Variants in BSN observed in about 807,000 individuals in gnomAD.
BSN encodes bassoon presynaptic cytomatrix protein, also known as protein bassoon.
In BSN, 57 loss-of-function variants were observed where a neutral mutation model predicts 264.8. That is an observed-to-expected ratio of 0.22 (90% CI 0.17 to 0.27). BSN has a LOEUF of 0.27. Among genes scored for constraint, BSN ranks in the 10% least tolerant of loss-of-function variants. BSN has a pLI of 1.00. For missense variants in BSN, 4,615 were observed against 5,232.5 expected, an observed-to-expected ratio of 0.88 and a Z score of 3.64; for synonymous variants, 2,059 against 2,137.3, an observed-to-expected ratio of 0.96 and a Z score of 1.01.
intron 1 of BSN, among the ~76,000 whole-genome samples, chr3:49,587,928 T>TTTTC (rs754414964): frequency 7.6e-4 from 109 of 144,206 alleles, no homozygotes; most frequent in African/African-American, 2.8e-3. Context: ...TTTTCTTTTC[T>TTTTC]TTTTTTTTTT....
Position 49,642,701 on chromosome 3 carries a change from C to T in BSN, c.1067C>T (p.Ser356Leu). 6.2e-7 allele frequency: 1 copy of T among 1,613,268 alleles called. No individual in the cohort carries two copies. The highest frequency in any genetic ancestry group is 8.5e-7 in the Non-Finnish European group (1 of 1,179,832). ...LTGKLFGLGA[S>L]LLTQASTLMS... is the part of the protein sequence containing the mutation. ...GGTAAGCTCTTCGGCCTTGGCGCGT[C>T]ACTGCTAACCCAGGCGAGCACCCTC... Residue 356 changes from serine to leucine, a missense_variant, in exon 3 of 12, where the codon TCA becomes TTA. Coordinates refer to ENST00000296452, the MANE Select transcript of BSN (RefSeq NM_003458.4). This position sits in a 1 kb window ranked among gnomAD's most constrained non-coding sequence, Gnocchi z 7.0.
intron 2 of BSN, among the ~76,000 whole-genome samples, chr3:49,633,433 G>A (rs1282130478): frequency 6.6e-6 from 1 of 152,112 alleles, no homozygotes; most frequent in Non-Finnish European, 1.5e-5. Context: ...ATAAATAAAT[G>A]TTGGCAAGAA....
chr3:49,621,819 G>T (rs965818122), intron 1 of BSN, among the ~76,000 whole-genome samples: 4 of 152,142 alleles, frequency 2.6e-5, no homozygotes, highest in Non-Finnish European at 5.9e-5. Flanking sequence ...CTGGGCTCAA[G>T]AGATCCTCCT....
intron 1 of BSN, among the ~76,000 whole-genome samples, chr3:49,606,448 T>C (rs1342503066): frequency 6.7e-6 from 1 of 149,636 alleles, no homozygotes; most frequent in Non-Finnish European, 1.5e-5. Flanking sequence ...TATCATACTC[T>C]GAATGAATTG....
chr3:49,602,537 C>T (rs2052080477), intron 1 of BSN, among the ~76,000 whole-genome samples: 1 of 151,852 alleles, frequency 6.6e-6, no homozygotes, highest in African/African-American at 2.4e-5. Flanking sequence ...CCTCCGCCTC[C>T]TGGGTTCAAG....
Position 49,668,901 on chromosome 3 carries a change from T to C in BSN, c.*1416T>C, listed in dbSNP as rs1411655094. The C allele has an allele frequency of 1.3e-5, 2 of 152,752 alleles. No individual in the cohort carries two copies. Among genetic ancestry groups the C allele is most frequent in the South Asian group, 2.1e-4 (1 of 4,832 alleles). 9.5% of individuals were successfully genotyped at this position (152,752 alleles called of 1,614,324 possible). On this transcript the variant is annotated 3_prime_UTR_variant, in exon 12 of 12. Coordinates refer to ENST00000296452, the MANE Select transcript of BSN (RefSeq NM_003458.4). ...TTAATATTTAATAAATTCCATGTTATGTATAAGGAGTTAATTGCAAACATG... is the reference window on the plus strand; with the variant it reads ...TTAATATTTAATAAATTCCATGTTACGTATAAGGAGTTAATTGCAAACATG...
Position 49,657,317 on chromosome 3 carries a change from A to G in BSN, c.7761A>G (p.Thr2587=), listed in dbSNP as rs775493044. ...GGATTGCCGACAGCAGCGTGCAGAC[A>G]GACGATGAGGATGGGGAGAGCCGCT... ...VRRIADSSVQ[T]DDEDGESRYL... The change falls in exon 5 of 12, where the codon ACA becomes ACG. Residue 2587 remains threonine, a synonymous_variant. Transcript: ENST00000296452. 1.9e-6 allele frequency: 3 copies of G among 1,613,464 alleles called. No homozygotes were observed. Among genetic ancestry groups the G allele is most frequent in the East Asian group, 4.5e-5 (2 of 44,878 alleles).
At chr3:49,557,182 G>A (rs542747541) in intron 1 of BSN, among the ~76,000 whole-genome samples, 1 of 152,274 alleles carries the variant, frequency 6.6e-6, no homozygotes, top group East Asian at 1.9e-4. Context: ...GTCCCTCAAG[G>A]AAGGGCTCTC....
chr3:49,657,856 A>G lies in BSN; in HGVS notation c.8300A>G (p.Glu2767Gly), dbSNP rs750371248. The G allele has an allele frequency of 6.8e-6, 11 of 1,612,754 alleles. No individual in the cohort carries two copies. The East Asian group carries it at 2.5e-4, about 36-fold the overall frequency. ...GAAAAAAAGAAGCCAGATCCCCTGGAGATTGGGTACCAGGCCCACCTGCCT... is the reference window on the plus strand; with the variant it reads ...GAAAAAAAGAAGCCAGATCCCCTGGGGATTGGGTACCAGGCCCACCTGCCT... ...RFEKKKPDPL[E>G]IGYQAHLPPE... is the part of the protein sequence containing the mutation. Residue 2767 changes from glutamate to glycine, a missense_variant, in exon 5 of 12, where the codon GAG becomes GGG. Around this residue, in one of 3 missense-constraint regions of BSN, gnomAD observed 3,415 missense variants for 3,866.4 expected, o/e 0.88. Transcript: ENST00000296452.
chr3:49,663,807 T>C lies in BSN; in HGVS notation c.11529T>C (p.Asn3843=). ...PAGPPRAEQT[N]GSKGTAKAPQ... ...TGCAGCCACGGGCAGAACAGACAAA[T>C]GGCTCTAAAGGGACAGCCAAAGCAC... The change falls in exon 8 of 12, where the codon AAT becomes AAC. Residue 3843 remains asparagine, a synonymous_variant. Coordinates refer to ENST00000296452, the MANE Select transcript of BSN (RefSeq NM_003458.4). 1 of 1,614,058 alleles carries C rather than the reference T, an allele frequency of 6.2e-7. No homozygotes were observed.
At chr3:49,666,809 G>A (rs1449906532) in intron 11 of BSN, among the ~76,000 whole-genome samples, 2 of 152,230 alleles carry the variant, frequency 1.3e-5, no homozygotes, top group African/African-American at 4.8e-5. Context: ...GGTGGGTTGT[G>A]CAGGCCAAGT....
chr3:49,608,771 T>G (rs1422412779), intron 1 of BSN, among the ~76,000 whole-genome samples: 1 of 149,376 alleles, frequency 6.7e-6, no homozygotes. Context: ...GAGGTTGCAG[T>G]GAGCCGAGAT....
intron 1 of BSN, among the ~76,000 whole-genome samples, chr3:49,563,694 G>A (rs972061593): frequency 2.0e-5 from 3 of 152,196 alleles, no homozygotes; most frequent in African/African-American, 4.8e-5. Context: ...GGCTTCAGTA[G>A]GTTATATGTT....
At chr3:49,609,454 G>A (rs2052185912) in intron 1 of BSN, among the ~76,000 whole-genome samples, 1 of 152,114 alleles carries the variant, frequency 6.6e-6, no homozygotes, top group African/African-American at 2.4e-5. Context: ...TAGAGCATGA[G>A]CTGTTAGAAG....
At chr3:49,560,516 G>A (rs968289332) in intron 1 of BSN, among the ~76,000 whole-genome samples, 2 of 152,196 alleles carry the variant, frequency 1.3e-5, no homozygotes, top group African/African-American at 4.8e-5. Context: ...TAAAATGGTG[G>A]CTAAGCCCTG....
intron 1 of BSN, among the ~76,000 whole-genome samples, chr3:49,593,691 C>T (rs1440873266): frequency 9.9e-5 from 15 of 151,508 alleles, no homozygotes; most frequent in Non-Finnish European, 4.4e-5. Flanking sequence ...GTATCCTCTT[C>T]AGTGTGTCTG....
chr3:49,579,588 T>C (rs948736097), intron 1 of BSN, among the ~76,000 whole-genome samples: 6 of 151,740 alleles, frequency 4.0e-5, no homozygotes, highest in African/African-American at 1.4e-4. Context: ...TTCTTTCTTT[T>C]TTTTTTGTAT....
At position 49,658,272 on chromosome 3, in the gene BSN, T is replaced by A; in HGVS notation, c.8640+76T>A. The A allele has an allele frequency of 2.7e-6, 4 of 1,455,740 alleles. No homozygotes were observed. In the South Asian group the frequency reaches 5.8e-5, roughly 21 times the overall value. 90.2% of individuals were successfully genotyped at this position (1,455,740 alleles called of 1,614,324 possible). A position where few individuals can be genotyped will look rare whatever the true frequency, so the allele number is the denominator to read the frequency against. On this transcript the variant is annotated intron_variant, in intron 5 of 11. Transcript: ENST00000296452. ...CGAGGGGCCCCCACAGGGAGGGGCT[T>A]CTTCTGGGGTGGGAGTAGAGGCATC...
At chr3:49,580,333 G>A (rs1314068271) in intron 1 of BSN, among the ~76,000 whole-genome samples, 1 of 152,168 alleles carries the variant, frequency 6.6e-6, no homozygotes, top group Admixed American at 6.5e-5. Context: ...GGAAGAGTTT[G>A]TGAAAGATTA....
Sources: allele counts gnomAD v4.1 joint callset (sites outside exome capture counted in the v4.1 genomes callset), GRCh38; gene constraint gnomAD v4.1.1; regional missense constraint gnomAD v4.1.1; non-coding constraint Gnocchi (gnomAD v3.1); transcripts MANE v1.5; gene names NCBI Gene and HGNC (gene_info 2026-07-23, HGNC 2026-07-21).